STK32B: variants seen among roughly 807,000 people sequenced by gnomAD.
The protein encoded by STK32B is serine/threonine kinase 32B, also known as serine/threonine-protein kinase 32B.
In STK32B, 43 loss-of-function variants were observed where a neutral mutation model predicts 52.6. The observed-to-expected ratio is 0.82, with a 90% confidence interval of 0.64 to 1.05. STK32B has a LOEUF of 1.05. Among genes scored for constraint, STK32B ranks in the 50% least tolerant of loss-of-function variants. The pLI, the probability that STK32B is intolerant of heterozygous loss-of-function variation, is 0.00. For missense variants in STK32B, 621 were observed against 534.6 expected, an observed-to-expected ratio of 1.16 and a Z score of -1.59; for synonymous variants, 238 against 204.3, an observed-to-expected ratio of 1.17 and a Z score of -1.41.
intron 4 of STK32B, 30 bp downstream of exon 4, chr4:5,331,423 A>T (rs541928602): frequency 1.9e-6 from 3 of 1,588,506 alleles, no homozygotes; most frequent in South Asian, 2.3e-5. Flanking sequence ...GATGCCTGGG[A>T]CAGAGGGACC....
chr4:5,222,098 C>A (rs375349729), intron 3 of STK32B, among the ~76,000 whole-genome samples: 1 of 152,138 alleles, frequency 6.6e-6, no homozygotes, highest in African/African-American at 2.4e-5. Context: ...GCAGTCCTCA[C>A]CAGACAAATG....
rs1049823790 is a variant in STK32B at position 5,395,403 on chromosome 4, A to C, written c.435-2804A>C. On this transcript the variant is annotated intron_variant, in intron 4 of 11. Transcript: ENST00000282908. The surrounding 1 kb of genome is among the most constrained non-coding windows in gnomAD (Gnocchi z 4.4). ...TGAGAACTTGCTCACTACATGATGCACAGCTGGCCTTTTCTTGCTATTCAG... is the reference window on the plus strand; with the variant it reads ...TGAGAACTTGCTCACTACATGATGCCCAGCTGGCCTTTTCTTGCTATTCAG... 2.6e-5 allele frequency among the ~76,000 whole-genome samples: 4 copies of C among 152,196 alleles called. No individual in the cohort carries two copies. The highest frequency in any genetic ancestry group is 9.7e-5 in the African/African-American group (4 of 41,448).
rs554384559 is a variant in STK32B, at chr4:5,383,581, A to G, written c.435-14626A>G. ...TCCTCAGGAGGCATTGGAACTGCAC[A>G]GGGGCTTATGGGAAATGGAGGTACC... On this transcript the variant is annotated intron_variant, in intron 4 of 11. Coordinates refer to ENST00000282908, the MANE Select transcript of STK32B (RefSeq NM_018401.3). Among the ~76,000 whole-genome samples the G allele has an allele frequency of 1.4e-4, 21 of 152,316 alleles. No individual in the cohort carries two copies. The East Asian group carries it at 4.1e-3, about 29-fold the overall frequency.
At chr4:5,257,883 C>T (rs1260645433) in intron 3 of STK32B, among the ~76,000 whole-genome samples, 1 of 152,120 alleles carries the variant, frequency 6.6e-6, no homozygotes, top group Non-Finnish European at 1.5e-5. Context: ...GCAGAAGTTT[C>T]AGTGAGCCAA....
At position 5,386,682 on chromosome 4, in the gene STK32B, C is replaced by G. The variant is rs1221617159; in HGVS notation, c.435-11525C>G. Among the ~76,000 whole-genome samples the G allele has an allele frequency of 2.0e-5, 3 of 152,206 alleles. No individual in the cohort carries two copies. Among genetic ancestry groups the G allele is most frequent in the Non-Finnish European group, 4.4e-5 (3 of 68,038 alleles). The stretch of plus-strand genomic sequence containing the variant: ...GGAAAGCAAATTTCAAATCCCAGCT[C>G]TGGCACTAATTTCCCAGACAACTCG... On this transcript the variant is annotated intron_variant, in intron 4 of 11. Coordinates refer to ENST00000282908, the MANE Select transcript of STK32B (RefSeq NM_018401.3). This position sits in a 1 kb window ranked among gnomAD's most constrained non-coding sequence, Gnocchi z 4.5.
At chr4:5,459,465 G>A (rs1379060755) in intron 8 of STK32B, among the ~76,000 whole-genome samples, 4 of 152,204 alleles carry the variant, frequency 2.6e-5, no homozygotes, top group East Asian at 1.9e-4. Context: ...CCCGGGGCCA[G>A]GCCTCTGTCT....
chr4:5,191,311 C>T (rs556568069), intron 3 of STK32B, among the ~76,000 whole-genome samples: 11 of 150,804 alleles, frequency 7.3e-5, no homozygotes, highest in African/African-American at 2.0e-4. Context: ...AGTGCAGTGG[C>T]GCCATCTCGG....
At chr4:5,269,169 G>A (rs1473387480) in intron 3 of STK32B, among the ~76,000 whole-genome samples, 1 of 152,086 alleles carries the variant, frequency 6.6e-6, no homozygotes. Flanking sequence ...TGGAGTATTC[G>A]GGTGAGTGCT....
chr4:5,169,002 C>A (rs1719116694), intron 3 of STK32B, among the ~76,000 whole-genome samples: 1 of 152,176 alleles, frequency 6.6e-6, no homozygotes. Context: ...TTGGTGGTTC[C>A]CTGCCTCTGT....
intron 3 of STK32B, among the ~76,000 whole-genome samples, chr4:5,243,252 A>G (rs541206763): frequency 6.6e-5 from 10 of 152,024 alleles, no homozygotes; most frequent in East Asian, 3.9e-4. Context: ...CTTTCATTTC[A>G]TTGAGCAGTG....
chr4:5,207,166 C>A (rs9291074), intron 3 of STK32B, among the ~76,000 whole-genome samples: 115,461 of 152,120 alleles, frequency 0.76, 45,117 homozygotes, highest in East Asian at 0.91. Flanking sequence ...GGATGACCCA[C>A]GAGCCTGAAC....
intron 3 of STK32B, among the ~76,000 whole-genome samples, chr4:5,281,369 C>A (rs1412305116): frequency 6.6e-6 from 1 of 152,104 alleles, no homozygotes; most frequent in African/African-American, 2.4e-5. Context: ...CATGTTCTCA[C>A]TCGTAAGTGG....
At chr4:5,379,226 C>T (rs1426239703) in intron 4 of STK32B, among the ~76,000 whole-genome samples, 3 of 152,120 alleles carry the variant, frequency 2.0e-5, no homozygotes, top group African/African-American at 4.8e-5. Context: ...GTGGCATCGG[C>T]CTTTGTGCTA....
chr4:5,230,948 A>T (rs1042218930), intron 3 of STK32B, among the ~76,000 whole-genome samples: 1 of 152,202 alleles, frequency 6.6e-6, no homozygotes, highest in African/African-American at 2.4e-5. Flanking sequence ...CCAACAGACA[A>T]TTTAGAGTCT....
At chr4:5,356,257 C>T (rs770771647) in intron 4 of STK32B, among the ~76,000 whole-genome samples, 4 of 152,184 alleles carry the variant, frequency 2.6e-5, no homozygotes, top group Non-Finnish European at 5.9e-5. Context: ...TGACCCCATC[C>T]TCCCTGTCTT....
At chr4:5,326,518 G>T (rs1731884190) in intron 3 of STK32B, among the ~76,000 whole-genome samples, 1 of 152,132 alleles carries the variant, frequency 6.6e-6, no homozygotes, top group South Asian at 2.1e-4. Flanking sequence ...CCTCTCTGCA[G>T]GTTCTCTCCC....
At position 5,378,441 on chromosome 4, in the gene STK32B, G is replaced by A. The variant is rs183973268; in HGVS notation, c.435-19766G>A. On this transcript the variant is annotated intron_variant, in intron 4 of 11. Transcript: ENST00000282908. This position sits in a 1 kb window ranked among gnomAD's most constrained non-coding sequence, Gnocchi z 4.4. ...TTATTTTATTTTTTTCCTTTATGAC[G>A]TGAGTTAAATCATTTACAATTATCA... Among the ~76,000 whole-genome samples, 2 of 152,234 alleles carry A rather than the reference G, an allele frequency of 1.3e-5. No individual in the cohort carries two copies. Among genetic ancestry groups the A allele is most frequent in the South Asian group, 2.1e-4 (1 of 4,812 alleles).
At chr4:5,166,905 A>AT (rs933236486) in intron 2 of STK32B, among the ~76,000 whole-genome samples, 2 of 152,202 alleles carry the variant, frequency 1.3e-5, no homozygotes, top group Admixed American at 6.5e-5. Flanking sequence ...AGACTAGCTC[A>AT]TACAATCCTT....
intron 3 of STK32B, among the ~76,000 whole-genome samples, chr4:5,326,289 T>C (rs1731867964): frequency 6.6e-6 from 1 of 152,210 alleles, no homozygotes; most frequent in Non-Finnish European, 1.5e-5. Context: ...TGTTTTCTTT[T>C]GGGGCATCTA....
Sources: gnomAD v4.1 joint callset for allele counts (sites outside exome capture counted in the v4.1 genomes callset) on GRCh38, gnomAD v4.1.1 for gene constraint, Gnocchi (gnomAD v3.1) non-coding constraint, MANE v1.5 for transcripts, NCBI Gene and HGNC (gene_info 2026-07-23, HGNC 2026-07-21) for gene names.